The following RTN1 variants were observed in gnomAD, a reference collection of about 807,000 sequenced individuals.
RTN1 encodes reticulon 1, also known as reticulon-1.
A neutral mutation model predicts 65.5 loss-of-function variants in RTN1; 25 were observed. That is an observed-to-expected ratio of 0.38 (90% CI 0.28 to 0.53). The LOEUF (loss-of-function observed/expected upper bound fraction) is 0.53, where lower values mean the gene tolerates loss of function less well. Among genes scored for constraint, RTN1 ranks in the 20% least tolerant of loss-of-function variants. The probability of loss-of-function intolerance (pLI) is 0.79; values close to 1 mark genes in which losing one functional copy is unlikely to be tolerated. For missense variants in RTN1, 983 were observed against 1,025.4 expected (o/e 0.96, Z 0.57); for synonymous variants, 471 against 447.6 (o/e 1.05, Z -0.66).
chr14:59,733,414 C>A (rs1179474353), intron 2 of RTN1, among the ~76,000 whole-genome samples: 2 of 152,178 alleles, frequency 1.3e-5, no homozygotes, highest in African/African-American at 4.8e-5. Flanking sequence ...TTAAGCAGGG[C>A]TCCCATCCAT....
chr14:59,869,030 C>T (rs1189988947), intron 1 of RTN1, among the ~76,000 whole-genome samples: 1 of 152,086 alleles, frequency 6.6e-6, no homozygotes, highest in Non-Finnish European at 1.5e-5. Flanking sequence ...TGGCGTTTGG[C>T]GTTGGGGCTT....
intron 1 of RTN1, among the ~76,000 whole-genome samples, chr14:59,796,073 G>C (rs2139594729): frequency 6.6e-6 from 1 of 152,244 alleles, no homozygotes; most frequent in African/African-American, 2.4e-5. Flanking sequence ...AGACGTTTTG[G>C]TCAACTATGA....
At chr14:59,863,518 C>T (rs1056774649) in intron 1 of RTN1, among the ~76,000 whole-genome samples, 1 of 152,114 alleles carries the variant, frequency 6.6e-6, no homozygotes, top group Non-Finnish European at 1.5e-5. Flanking sequence ...TTCAGTTTTC[C>T]TACTTCGTCG....
At chr14:59,722,532 A>C (rs1884667562) in intron 3 of RTN1, among the ~76,000 whole-genome samples, 3 of 152,212 alleles carry the variant, frequency 2.0e-5, no homozygotes, top group Admixed American at 2.0e-4. Context: ...GAGAAACATC[A>C]GTACGATAAG....
At chr14:59,677,231 T>C (rs1161817825) in intron 3 of RTN1, among the ~76,000 whole-genome samples, 1 of 152,218 alleles carries the variant, frequency 6.6e-6, no homozygotes, top group African/African-American at 2.4e-5. Context: ...ACATTCACAG[T>C]GGTCACATCT....
At position 59,783,592 on chromosome 14, in the gene RTN1, A is replaced by G. The variant is rs558213242; in HGVS notation, c.242-37111T>C. 2.0e-4 allele frequency among the ~76,000 whole-genome samples: 31 copies of G among 152,302 alleles called. No homozygotes were observed. The South Asian group carries it at 6.4e-3, about 32-fold the overall frequency. ...TTCACAAAGTGCTCTGGATGTTGGT[A>G]TTCCTTGTCGAGAGCAGTGATGAGC... On this transcript the variant is annotated intron_variant, in intron 1 of 8. Coordinates refer to ENST00000267484, the MANE Select transcript of RTN1 (RefSeq NM_021136.3).
At chr14:59,684,216 G>A (rs1458058557) in intron 3 of RTN1, among the ~76,000 whole-genome samples, 1 of 151,482 alleles carries the variant, frequency 6.6e-6, no homozygotes, top group Non-Finnish European at 1.5e-5. Flanking sequence ...GATCTGTTTT[G>A]TAAGTATTTC....
chr14:59,817,731 C>T (rs1289231774), intron 1 of RTN1, among the ~76,000 whole-genome samples: 1 of 152,088 alleles, frequency 6.6e-6, no homozygotes, highest in Non-Finnish European at 1.5e-5. Flanking sequence ...TAGTGTCCTG[C>T]CATGCATAAT....
At chr14:59,629,539 A>T (rs1275851958) in intron 3 of RTN1, among the ~76,000 whole-genome samples, 1 of 152,246 alleles carries the variant, frequency 6.6e-6, no homozygotes. Context: ...GTTAAATATG[A>T]AAAGACACTA....
chr14:59,847,664 C>T (rs1887433601), intron 1 of RTN1, among the ~76,000 whole-genome samples: 1 of 152,126 alleles, frequency 6.6e-6, no homozygotes, highest in Non-Finnish European at 1.5e-5. Context: ...AAAAGGAATA[C>T]AAAGAACATT....
At chr14:59,645,890 G>A (rs954324143) in intron 3 of RTN1, among the ~76,000 whole-genome samples, 4 of 152,160 alleles carry the variant, frequency 2.6e-5, no homozygotes, top group Admixed American at 1.3e-4. Flanking sequence ...CAAGAACTCT[G>A]ACAAGTCAGA....
chr14:59,597,982 TCTACC>T (rs1268218589), intron 8 of RTN1, among the ~76,000 whole-genome samples: 1 of 152,064 alleles, frequency 6.6e-6, no homozygotes, highest in African/African-American at 2.4e-5. Flanking sequence ...GAGTTTAGAT[TCTACC>T]CTGTGTGATG....
At chr14:59,729,224 C>T (rs566368360) in intron 2 of RTN1, among the ~76,000 whole-genome samples, 6 of 152,144 alleles carry the variant, frequency 3.9e-5, no homozygotes, top group African/African-American at 1.4e-4. Context: ...CATAGGCAGG[C>T]CATTATGTCT....
chr14:59,795,057 C>T (rs1419588099), intron 1 of RTN1, among the ~76,000 whole-genome samples: 3 of 152,130 alleles, frequency 2.0e-5, no homozygotes, highest in Non-Finnish European at 4.4e-5. Context: ...ATATCCACCC[C>T]AATTTAGCAG....
In RTN1 at chr14:59,607,753, C is replaced by T. The variant is rs919217230; in HGVS notation, c.1766-261G>A. ...TATTGAATCTCCATTGACCATATCG[C>T]GATGGGTGTAGCTCTGTGGGCTACA... On this transcript the variant is annotated intron_variant, in intron 3 of 8. Coordinates refer to ENST00000267484, the MANE Select transcript of RTN1 (RefSeq NM_021136.3). 10 of 479,970 alleles carry T rather than the reference C, an allele frequency of 2.1e-5. 1 individual carries two copies. The highest frequency in any genetic ancestry group is 8.2e-5 in the South Asian group (4 of 48,790). 29.7% of individuals were successfully genotyped at this position (479,970 alleles called of 1,614,324 possible).
intron 2 of RTN1, among the ~76,000 whole-genome samples, chr14:59,733,606 T>C (rs1884947023): frequency 1.3e-5 from 2 of 152,032 alleles, no homozygotes; most frequent in African/African-American, 4.8e-5. Context: ...GCAGAGGTGG[T>C]TCCTCACCAC....
chr14:59,648,913 C>T (rs765727679), intron 3 of RTN1, among the ~76,000 whole-genome samples: 2 of 152,160 alleles, frequency 1.3e-5, no homozygotes, highest in Admixed American at 6.5e-5. Context: ...CCCTATTCAA[C>T]ATAGTATTGG....
At chr14:59,665,494 A>G (rs1883348233) in intron 3 of RTN1, among the ~76,000 whole-genome samples, 1 of 152,214 alleles carries the variant, frequency 6.6e-6, no homozygotes, top group Admixed American at 6.5e-5. Flanking sequence ...AACATCCCAA[A>G]TTGTAAAGAC....
intron 1 of RTN1, among the ~76,000 whole-genome samples, chr14:59,818,111 A>C (rs1168609372): frequency 6.6e-6 from 1 of 152,224 alleles, no homozygotes; most frequent in African/African-American, 2.4e-5. Flanking sequence ...CCCATTTATA[A>C]GTAAGAAAAT....
Sources: gnomAD v4.1 joint callset for allele counts (sites outside exome capture counted in the v4.1 genomes callset) on GRCh38, gnomAD v4.1.1 for gene constraint, MANE v1.5 for transcripts, NCBI Gene and HGNC (gene_info 2026-07-23, HGNC 2026-07-21) for gene names.